F13A1: variants seen among roughly 807,000 people sequenced by gnomAD.
F13A1 encodes the protein FSF, A subunit.
Under a neutral mutation model 80.1 loss-of-function variants are expected in F13A1, and 47 were observed. That is an observed-to-expected ratio of 0.59 (90% CI 0.46 to 0.75). The LOEUF (loss-of-function observed/expected upper bound fraction) is 0.75, where lower values mean the gene tolerates loss of function less well. F13A1 is among the 30% of genes least tolerant of loss of function. F13A1 has a pLI of 0.00. For synonymous variants in F13A1, 349 were observed against 344.9 expected, an observed-to-expected ratio of 1.01 and a Z score of -0.13; for missense variants, 817 against 930.4, an observed-to-expected ratio of 0.88 and a Z score of 1.59.
At chr6:6,174,215 T>C (rs413627) in intron 12 of F13A1, among the ~76,000 whole-genome samples, 99,670 of 151,704 alleles carry the variant, frequency 0.66, 33,734 homozygotes, top group African/African-American at 0.82. Context: ...CATAGTGAAA[T>C]CCCGTCTCTA....
At chr6:6,177,137 C>T (rs115959760) in intron 11 of F13A1, among the ~76,000 whole-genome samples, 3,185 of 152,296 alleles carry the variant, frequency 0.021, 44 homozygotes, top group Middle Eastern at 0.051. Context: ...CAGTGAGAGA[C>T]ATATCCAAAG....
At chr6:6,151,692 G>T in intron 14 of F13A1, 121 bp downstream of exon 14, 1 of 1,381,728 alleles carries the variant, frequency 7.2e-7, no homozygotes, top group South Asian at 1.2e-5. Context: ...GGTCGGCAAG[G>T]AGGAGGCAGC....
intron 11 of F13A1, among the ~76,000 whole-genome samples, chr6:6,179,081 G>A (rs1664011957): frequency 1.3e-5 from 2 of 152,154 alleles, no homozygotes; most frequent in Admixed American, 1.3e-4. Flanking sequence ...TGTAATTTTT[G>A]TTTTTAACAC....
intron 10 of F13A1, among the ~76,000 whole-genome samples, chr6:6,187,534 G>C (rs1263507114): frequency 2.1e-3 from 222 of 107,072 alleles, no homozygotes; most frequent in Non-Finnish European, 2.4e-3. Flanking sequence ...TTATTGATTT[G>C]CGTATATTGA....
At chr6:6,226,673 T>C (rs919235779) in intron 6 of F13A1, among the ~76,000 whole-genome samples, 2 of 152,198 alleles carry the variant, frequency 1.3e-5, no homozygotes, top group Admixed American at 6.5e-5. Flanking sequence ...AAAAAAAATC[T>C]CCGTCTTTCT....
intron 6 of F13A1, among the ~76,000 whole-genome samples, chr6:6,238,386 G>T (rs559958756): frequency 6.6e-6 from 1 of 152,050 alleles, no homozygotes; most frequent in Non-Finnish European, 1.5e-5. Context: ...CAATGTAAAA[G>T]TTCAAATTAT....
At chr6:6,248,154 A>G (rs1042159960) in intron 6 of F13A1, among the ~76,000 whole-genome samples, 158 bp downstream of exon 6, 17 of 152,236 alleles carry the variant, frequency 1.1e-4, no homozygotes, top group African/African-American at 4.1e-4. Context: ...AAGCTCAGAA[A>G]ATTCCAGGAG....
intron 3 of F13A1, 99 bp downstream of exon 3, chr6:6,305,252 G>T: frequency 7.5e-7 from 1 of 1,332,826 alleles, no homozygotes; most frequent in Non-Finnish European, 1.1e-6. Context: ...TGCCACTGTT[G>T]ACATATGACA....
chr6:6,202,946 T>A (rs1437862281), intron 8 of F13A1, among the ~76,000 whole-genome samples: 1 of 152,218 alleles, frequency 6.6e-6, no homozygotes, highest in African/African-American at 2.4e-5. Flanking sequence ...GACGTCATAG[T>A]TTATGTTGTG....
At chr6:6,320,174 G>A (rs1180621654) in intron 1 of F13A1, among the ~76,000 whole-genome samples, 6 of 152,094 alleles carry the variant, frequency 3.9e-5, no homozygotes, top group African/African-American at 1.4e-4. Flanking sequence ...CAGGAGTGGG[G>A]AGGCGCGCAG....
At chr6:6,296,548 G>T (rs200575780) in intron 3 of F13A1, among the ~76,000 whole-genome samples, 10,263 of 150,850 alleles carry the variant, frequency 0.068, 953 homozygotes, top group African/African-American at 0.21. Flanking sequence ...CTCTCTGTTT[G>T]TCTGTTGCTG....
At chr6:6,240,379 CCA>C (rs1175399141) in intron 6 of F13A1, among the ~76,000 whole-genome samples, 1 of 152,028 alleles carries the variant, frequency 6.6e-6, no homozygotes. Context: ...CCCACTGCCC[CCA>C]CCTGAAAGAG....
chr6:6,153,700 A>G (rs2151068959), intron 13 of F13A1, among the ~76,000 whole-genome samples: 1 of 152,220 alleles, frequency 6.6e-6, no homozygotes, highest in South Asian at 2.1e-4. Flanking sequence ...CAGCACTTTA[A>G]CCAGCAATCC....
chr6:6,313,830 T>C (rs1758641511), intron 2 of F13A1, among the ~76,000 whole-genome samples: 1 of 152,182 alleles, frequency 6.6e-6, no homozygotes, highest in Admixed American at 6.5e-5. Context: ...GAACCTATAA[T>C]GTTGAAGGAT....
chr6:6,320,179 G>A (rs1212636639), intron 1 of F13A1, among the ~76,000 whole-genome samples: 1 of 152,062 alleles, frequency 6.6e-6, no homozygotes, highest in Non-Finnish European at 1.5e-5. Context: ...GTGGGGAGGC[G>A]CGCAGGAGTG....
At chr6:6,254,858 T>G (rs1757682908) in intron 4 of F13A1, among the ~76,000 whole-genome samples, 1 of 152,056 alleles carries the variant, frequency 6.6e-6, no homozygotes, top group Non-Finnish European at 1.5e-5. Context: ...TTTTATGCTT[T>G]TATTATTTTT....
At chr6:6,217,645 T>A (rs921799626) in intron 8 of F13A1, among the ~76,000 whole-genome samples, 4 of 152,114 alleles carry the variant, frequency 2.6e-5, no homozygotes, top group Non-Finnish European at 2.9e-5. Flanking sequence ...AACCTGCACG[T>A]TGTGCACATG....
At chr6:6,303,734 C>G (rs1758470324) in intron 3 of F13A1, among the ~76,000 whole-genome samples, 2 of 152,204 alleles carry the variant, frequency 1.3e-5, no homozygotes, top group South Asian at 4.1e-4. Flanking sequence ...ACATGTTTGA[C>G]TTTTCATTGG....
At chr6:6,275,648 C>T (rs770999291) in intron 3 of F13A1, among the ~76,000 whole-genome samples, 93 of 152,302 alleles carry the variant, frequency 6.1e-4, no homozygotes, top group African/African-American at 1.8e-3. Context: ...GGATTACAGG[C>T]GTGAGCCACT....
Sources: allele counts gnomAD v4.1 joint callset (sites outside exome capture counted in the v4.1 genomes callset), GRCh38; gene constraint gnomAD v4.1.1; transcripts MANE v1.5; gene names NCBI Gene and HGNC (gene_info 2026-07-23, HGNC 2026-07-21).